Variants in COG3 observed in about 807,000 individuals in gnomAD.
The protein encoded by COG3 is conserved oligomeric Golgi complex subunit 3.
In COG3, 32 loss-of-function variants were observed where a neutral mutation model predicts 114.1. The observed-to-expected ratio is 0.28, with a 90% CI of 0.21 to 0.38. The LOEUF (loss-of-function observed/expected upper bound fraction) is 0.38. Among genes scored for constraint, COG3 ranks in the 10% least tolerant of loss-of-function variants. The probability of loss-of-function intolerance (pLI) is 1.00; values close to 1 mark genes in which losing one functional copy is unlikely to be tolerated. For synonymous variants in COG3, 352 were observed against 365.7 expected (o/e 0.96, Z 0.43); for missense variants, 813 against 973.2 (o/e 0.84, Z 2.19).
At chr13:45,530,574 G>GAT in intron 21 of COG3, 108 bp from the exon 22 acceptor site, 1 of 714,336 alleles carries the variant, frequency 1.4e-6, no homozygotes, top group Non-Finnish European at 2.5e-6. Flanking sequence ...TATCATGAAA[G>GAT]ATACATCGCT....
chr13:45,525,634 G>GTTTTTTTTTTTTTTTTTTT lies in COG3; in HGVS notation c.2230+601_2230+602insTTTTTTTTTTTTTTTTTTT, dbSNP rs59577529. 4.2e-4 allele frequency among the ~76,000 whole-genome samples: 24 copies of GTTTTTTTTTTTTTTTTTTT among 56,640 alleles called. 1 individual carries two copies. Among genetic ancestry groups the GTTTTTTTTTTTTTTTTTTT allele is most frequent in the African/African-American group, 7.7e-4 (10 of 12,972 alleles). 37.2% of individuals were successfully genotyped at this position (56,640 alleles called of 152,430 possible). A position where few individuals can be genotyped will look rare whatever the true frequency, so the allele number is the denominator to read the frequency against. ...ATTTTTTTGTGCTGGAGGGCTTTGG[G>GTTTTTTTTTTTTTTTTTTT]TTTTTTTTTTTTTTTTTTGGTCTTT... On this transcript the variant is annotated intron_variant, in intron 20 of 22. Transcript: ENST00000349995.
intron 1 of COG3, among the ~76,000 whole-genome samples, chr13:45,467,363 G>A (rs1566237020): frequency 6.6e-6 from 1 of 152,186 alleles, no homozygotes. Flanking sequence ...AGGCTAAGGC[G>A]GGAGAATCAC....
At chr13:45,490,859 A>G in intron 8 of COG3, 56 bp from the exon 9 acceptor site, 4 of 896,694 alleles carry the variant, frequency 4.5e-6, no homozygotes, top group Non-Finnish European at 6.8e-6. Flanking sequence ...ATAATCAGAA[A>G]GTAATGGATA....
At chr13:45,498,780 G>A (rs955696252) in intron 13 of COG3, among the ~76,000 whole-genome samples, 1 of 122,066 alleles carries the variant, frequency 8.2e-6, no homozygotes, top group Admixed American at 7.7e-5. Context: ...TTGCTATTTT[G>A]TTCTTTTTTT....
At chr13:45,496,650 T>C (rs1868809533) in intron 13 of COG3, among the ~76,000 whole-genome samples, 1 of 152,198 alleles carries the variant, frequency 6.6e-6, no homozygotes, top group Non-Finnish European at 1.5e-5. Flanking sequence ...TGTTAGGTTG[T>C]CTTTCCTTCA....
chr13:45,510,314 T>C (rs769808106), intron 15 of COG3, among the ~76,000 whole-genome samples: 1 of 152,212 alleles, frequency 6.6e-6, no homozygotes, highest in Non-Finnish European at 1.5e-5. Context: ...TTTGTGCTTA[T>C]AGATTTTGAA....
intron 7 of COG3, among the ~76,000 whole-genome samples, chr13:45,484,608 A>ATTTATTTT (rs1555294776): frequency 1.5e-4 from 7 of 47,030 alleles, no homozygotes; most frequent in Admixed American, 5.2e-4. Context: ...TTATTTATTT[A>ATTTATTTT]TTTATTTTTT....
intron 19 of COG3, among the ~76,000 whole-genome samples, chr13:45,519,560 A>T (rs976359664): frequency 2.6e-5 from 4 of 152,188 alleles, no homozygotes; most frequent in African/African-American, 7.2e-5. Flanking sequence ...ATAACATAGC[A>T]TTGTTAACTG....
chr13:45,476,564 A>T (rs1189203444), intron 2 of COG3, among the ~76,000 whole-genome samples: 1 of 152,192 alleles, frequency 6.6e-6, no homozygotes, highest in Admixed American at 6.5e-5. Context: ...AAAACATGAG[A>T]TTCCATGTTT....
intron 13 of COG3, among the ~76,000 whole-genome samples, chr13:45,499,059 T>A (rs1184853536): frequency 2.0e-5 from 3 of 152,150 alleles, no homozygotes; most frequent in Non-Finnish European, 2.9e-5. Context: ...TTAGGTGTGC[T>A]CATTTCTAGT....
chr13:45,501,699 G>A (rs894817590), intron 13 of COG3, among the ~76,000 whole-genome samples: 2 of 152,110 alleles, frequency 1.3e-5, no homozygotes, highest in African/African-American at 2.4e-5. Context: ...TTGCTTTTAA[G>A]CTCTCTCAGG....
chr13:45,504,633 G>A (rs979684812), intron 14 of COG3, among the ~76,000 whole-genome samples: 12 of 152,166 alleles, frequency 7.9e-5, no homozygotes, highest in African/African-American at 2.4e-4. Flanking sequence ...GAGAAATACA[G>A]AGATGAGGGA....
At chr13:45,482,784 T>C (rs1367211138) in intron 6 of COG3, among the ~76,000 whole-genome samples, 1 of 152,234 alleles carries the variant, frequency 6.6e-6, no homozygotes. Flanking sequence ...GAGCCGTTTT[T>C]AAATTGTTGG....
chr13:45,481,358 CCTTT>C, intron 5 of COG3, 54 bp downstream of exon 5: 2 of 965,482 alleles, frequency 2.1e-6, no homozygotes, highest in Non-Finnish European at 3.2e-6. Context: ...TTTATTTTTG[CCTTT>C]CTTCGTGTCA....
chr13:45,534,521 C>T, intron 22 of COG3, 181 bp from the exon 23 acceptor site: 2 of 414,756 alleles, frequency 4.8e-6, no homozygotes, highest in Non-Finnish European at 8.5e-6. Flanking sequence ...ATTCTAATTG[C>T]TTTATTTTAT....
At chr13:45,470,779 A>G (rs1885425080) in intron 1 of COG3, among the ~76,000 whole-genome samples, 1 of 152,234 alleles carries the variant, frequency 6.6e-6, no homozygotes, top group Admixed American at 6.5e-5. Flanking sequence ...GAAGTTTGCC[A>G]GGTCCTCTGT....
chr13:45,489,820 T>A (rs528499379), intron 8 of COG3, among the ~76,000 whole-genome samples: 1 of 5,052 alleles, frequency 2.0e-4, no homozygotes, highest in South Asian at 9.6e-3. Flanking sequence ...TTCCAATGGA[T>A]TTTTTTTTTT....
intron 20 of COG3, among the ~76,000 whole-genome samples, chr13:45,525,874 A>T (rs908820945): frequency 3.3e-5 from 5 of 151,448 alleles, no homozygotes; most frequent in African/African-American, 7.3e-5. Context: ...TCCAAGTTGG[A>T]GGGCAGCTTT....
At chr13:45,489,241 T>C (rs1409559193) in intron 8 of COG3, among the ~76,000 whole-genome samples, 4 of 76,698 alleles carry the variant, frequency 5.2e-5, no homozygotes, top group African/African-American at 2.0e-4. Context: ...GAATTTTTTT[T>C]GACAAAGTGA....
Sources: gnomAD v4.1 joint callset for allele counts (sites outside exome capture counted in the v4.1 genomes callset) on GRCh38, gnomAD v4.1.1 for gene constraint, MANE v1.5 for transcripts, NCBI Gene and HGNC (gene_info 2026-07-23, HGNC 2026-07-21) for gene names.